Variants in SP140 observed in about 807,000 individuals in gnomAD.
The protein encoded by SP140 is nuclear body protein SP140.
SP140 carries 81 observed loss-of-function variants against 125.0 expected under a neutral mutation model. The ratio of observed to expected loss-of-function variants is 0.65; its 90% CI spans 0.54 to 0.78. SP140 has a LOEUF of 0.78. Among genes scored for constraint, SP140 ranks in the 30% least tolerant of loss-of-function variants. The probability of loss-of-function intolerance (pLI) is 0.00; values close to 1 mark genes in which losing one functional copy is unlikely to be tolerated. For synonymous variants in SP140, 312 were observed against 354.0 expected, an observed-to-expected ratio of 0.88 and a Z score of 1.33; for missense variants, 858 against 1,037.0, an observed-to-expected ratio of 0.83 and a Z score of 2.37.
At chr2:230,208,319 A>G (rs890529135) in intron 1 of SP140, among the ~76,000 whole-genome samples, 1 of 152,214 alleles carries the variant, frequency 6.6e-6, no homozygotes, top group African/African-American at 2.4e-5. Flanking sequence ...GGAGAGAGAT[A>G]TGGAAGTAGT....
chr2:230,268,914 C>CT (rs2053531858), intron 12 of SP140, among the ~76,000 whole-genome samples: 1 of 152,176 alleles, frequency 6.6e-6, no homozygotes, highest in Non-Finnish European at 1.5e-5. Flanking sequence ...TAATCTGAAA[C>CT]TAAAAGCTGA....
chr2:230,203,135 AG>A (rs1204437413), exon 1 of SP140: 1 of 227,364 alleles, frequency 4.4e-6, no homozygotes, highest in Non-Finnish European at 8.8e-6. Flanking sequence ...GATTTCCAAA[AG>A]TTTCTAGGTG....
At chr2:230,270,037 C>A in intron 14 of SP140, 84 bp downstream of exon 14, 1 of 861,276 alleles carries the variant, frequency 1.2e-6, no homozygotes, top group Non-Finnish European at 1.9e-6. Context: ...GTGCTCCAGT[C>A]TGTCCAGAAT....
chr2:230,256,568 C>G (rs1317824068), intron 12 of SP140, among the ~76,000 whole-genome samples: 1 of 151,566 alleles, frequency 6.6e-6, no homozygotes, highest in Non-Finnish European at 1.5e-5. Context: ...ATATACCTAA[C>G]GTAAATGATG....
intron 4 of SP140, among the ~76,000 whole-genome samples, chr2:230,242,794 G>C (rs1325945537): frequency 3.3e-5 from 5 of 151,882 alleles, no homozygotes. Context: ...TTCATCTTCA[G>C]GTTGCCCCTG....
At chr2:230,310,565 G>A (rs372894056) in intron 23 of SP140, among the ~76,000 whole-genome samples, 178 bp from the exon 24 acceptor site, 15 of 152,162 alleles carry the variant, frequency 9.9e-5, no homozygotes, top group East Asian at 3.9e-4. Context: ...CCACTGATGC[G>A]AGGGAAAGGC....
At chr2:230,245,128 A>G in intron 6 of SP140, 48 bp downstream of exon 6, 1 of 1,242,120 alleles carries the variant, frequency 8.1e-7, no homozygotes, top group Non-Finnish European at 1.2e-6. Context: ...TAGTTGGCCT[A>G]TCTCTATGCA....
At chr2:230,189,998 C>T in the SP140 span, among the ~76,000 whole-genome samples, 2 of 152,160 alleles carry the variant, frequency 1.3e-5, no homozygotes, top group Non-Finnish European at 2.9e-5. Flanking sequence ...ATGGTAAATA[C>T]TGCTGCGATA....
the SP140 span, among the ~76,000 whole-genome samples, chr2:230,195,111 A>C: frequency 4.6e-5 from 7 of 151,938 alleles, no homozygotes; most frequent in Non-Finnish European, 1.0e-4. Flanking sequence ...TTTTTTCTAA[A>C]AAAGAAAAAA....
At chr2:230,269,985 T>C (rs1279816497) in intron 14 of SP140, 32 bp downstream of exon 14, 1 of 1,451,404 alleles carries the variant, frequency 6.9e-7, no homozygotes, top group South Asian at 1.1e-5. Context: ...GGGATGGGGG[T>C]GGCTCAGTGG....
chr2:230,268,178 C>T (rs1377839862), intron 12 of SP140, among the ~76,000 whole-genome samples: 1 of 152,110 alleles, frequency 6.6e-6, no homozygotes, highest in African/African-American at 2.4e-5. Flanking sequence ...TGTAATATGA[C>T]CTATTAACAG....
chr2:230,244,909 A>C (rs2049207312), intron 5 of SP140, 79 bp from the exon 6 acceptor site: 1 of 982,396 alleles, frequency 1.0e-6, no homozygotes, highest in Non-Finnish European at 1.6e-6. Flanking sequence ...GGAGAAGCTC[A>C]CTTGAGTGCT....
intron 3 of SP140, chr2:230,219,839 G>C (rs781322998): frequency 5.7e-6 from 5 of 879,106 alleles, no homozygotes; most frequent in Non-Finnish European, 6.8e-6. Context: ...CAGTCACCAA[G>C]AGCGAAGAAT....
intron 18 of SP140, 22 bp from the exon 19 acceptor site, chr2:230,290,438 A>G (rs2056985782): frequency 1.2e-6 from 2 of 1,610,644 alleles, no homozygotes; most frequent in Non-Finnish European, 1.7e-6. Context: ...GTGAGACAGA[A>G]TGAAGAAATC....
In SP140 at chr2:230,211,833, TCTC is replaced by T. The variant is rs2148919200; in HGVS notation, c.-322-1820_-322-1818del. ...TATTTGGATCGAAGAGGACCCCTCT[TCTC>T]AGTACTGGAGAGCTCAGAATCCATG... On this transcript the variant is annotated intron_variant, in intron 1 of 4. Coordinates refer to the SP140 transcript ENST00000456542. The surrounding 1 kb of genome is among the most constrained non-coding windows in gnomAD (Gnocchi z 4.2). Among the ~76,000 whole-genome samples the T allele has an allele frequency of 6.6e-6, 1 of 152,296 alleles. No homozygotes were observed. Among genetic ancestry groups the T allele is most frequent in the South Asian group, 2.1e-4 (1 of 4,826 alleles).
At chr2:230,268,523 C>T (rs1183801198) in intron 12 of SP140, among the ~76,000 whole-genome samples, 1 of 136,444 alleles carries the variant, frequency 7.3e-6, no homozygotes, top group African/African-American at 2.8e-5. Context: ...GAAACTCTGT[C>T]TAAAAAAAAA....
chr2:230,242,436 C>G (rs2149145583), intron 4 of SP140, among the ~76,000 whole-genome samples: 1 of 152,284 alleles, frequency 6.6e-6, no homozygotes, highest in Non-Finnish European at 1.5e-5. Flanking sequence ...GCATGATACT[C>G]AGATTTCAAT....
intron 1 of SP140, chr2:230,209,930 C>A: frequency 1.3e-6 from 2 of 1,588,170 alleles, no homozygotes; most frequent in Non-Finnish European, 1.7e-6. Flanking sequence ...GCTTTTCTTA[C>A]CTTTCTTGTC....
the SP140 span, among the ~76,000 whole-genome samples, chr2:230,195,059 T>G: frequency 1.3e-5 from 2 of 152,042 alleles, no homozygotes; most frequent in African/African-American, 4.8e-5. Flanking sequence ...GGGCATTTTT[T>G]TTTTCTGTTT....
Sources: allele counts gnomAD v4.1 joint callset (sites outside exome capture counted in the v4.1 genomes callset), GRCh38; gene constraint gnomAD v4.1.1; non-coding constraint Gnocchi (gnomAD v3.1); transcripts MANE v1.5; gene names NCBI Gene and HGNC (gene_info 2026-07-23, HGNC 2026-07-21).